The following CLYBL variants were observed in gnomAD, a reference collection of about 807,000 sequenced individuals.
CLYBL encodes citramalyl-CoA lyase, mitochondrial.
In CLYBL, 31 loss-of-function variants were observed where a neutral mutation model predicts 38.9. That is an observed-to-expected ratio of 0.80 (90% CI 0.60 to 1.08). The LOEUF (loss-of-function observed/expected upper bound fraction) is 1.08, where lower values mean the gene tolerates loss of function less well. CLYBL is among the 50% of genes least tolerant of loss of function. The pLI, the probability that CLYBL is intolerant of heterozygous loss-of-function variation, is 0.00. For missense variants in CLYBL, 434 were observed against 411.6 expected (o/e 1.05, Z -0.47); for synonymous variants, 171 against 158.6 (o/e 1.08, Z -0.59).
chr13:99,887,772 T>A (rs757190679), intron 7 of CLYBL, among the ~76,000 whole-genome samples: 1 of 151,956 alleles, frequency 6.6e-6, no homozygotes, highest in Non-Finnish European at 1.5e-5. Context: ...GGGATCCTTG[T>A]CAAAAGTAGA....
intron 1 of CLYBL, among the ~76,000 whole-genome samples, chr13:99,679,465 G>C (rs952638684): frequency 6.6e-6 from 1 of 152,038 alleles, no homozygotes; most frequent in Non-Finnish European, 1.5e-5. Context: ...TGACCTTTTA[G>C]GGTATTCAGC....
chr13:99,632,359 G>A (rs1446978052), intron 1 of CLYBL, among the ~76,000 whole-genome samples: 2 of 152,254 alleles, frequency 1.3e-5, no homozygotes, highest in Non-Finnish European at 2.9e-5. Flanking sequence ...CAAGTTAGCT[G>A]TCTGCTAGAA....
chr13:99,728,619 A>G (rs925537185), intron 1 of CLYBL, among the ~76,000 whole-genome samples: 12 of 151,120 alleles, frequency 7.9e-5, no homozygotes, highest in Non-Finnish European at 1.8e-4. Context: ...TGTGTTACCC[A>G]GGCTGAAGTG....
chr13:99,819,295 T>C (rs908301242), intron 2 of CLYBL, among the ~76,000 whole-genome samples: 6 of 149,800 alleles, frequency 4.0e-5, no homozygotes, highest in Non-Finnish European at 8.9e-5. Flanking sequence ...CAGTTAACTA[T>C]GATTATGCCA....
At chr13:99,882,347 G>A (rs1009865565) in intron 7 of CLYBL, among the ~76,000 whole-genome samples, 3 of 152,150 alleles carry the variant, frequency 2.0e-5, no homozygotes, top group Non-Finnish European at 4.4e-5. Context: ...TACTATAGGT[G>A]AGAAAATGTC....
At chr13:99,888,268 T>TGTTTTAC (rs2052401201) in intron 7 of CLYBL, among the ~76,000 whole-genome samples, 1 of 113,842 alleles carries the variant, frequency 8.8e-6, no homozygotes, top group African/African-American at 3.6e-5. Context: ...GTGAATTTTA[T>TGTTTTAC]GTTTTATGTT....
At chr13:99,881,844 G>A (rs2052219333) in intron 7 of CLYBL, among the ~76,000 whole-genome samples, 1 of 152,094 alleles carries the variant, frequency 6.6e-6, no homozygotes, top group African/African-American at 2.4e-5. Context: ...GTGTTTTTAA[G>A]ACTTAAAATG....
At chr13:99,616,462 A>G (rs2046712569) in intron 1 of CLYBL, among the ~76,000 whole-genome samples, 1 of 152,084 alleles carries the variant, frequency 6.6e-6, no homozygotes, top group Non-Finnish European at 1.5e-5. Context: ...CCAGGTTTTC[A>G]TTTAGTCTGT....
Position 99,827,703 on chromosome 13 carries a change from G to A in CLYBL, c.250-31158G>A, listed in dbSNP as rs181604549. ...GCTTGGCTTCTGCATGCCGTGCAAA[G>A]CTTGCCAGCAGCCAAGCTCTTGAAA... On this transcript the variant is annotated intron_variant, in intron 2 of 8. Coordinates refer to ENST00000339105, the MANE Select transcript of CLYBL (RefSeq NM_206808.5). 1.6e-4 allele frequency among the ~76,000 whole-genome samples: 24 copies of A among 152,346 alleles called. No individual in the cohort carries two copies. In the East Asian group the frequency reaches 1.9e-3, roughly 12 times the overall value.
chr13:99,846,061 G>A (rs2139144347), intron 2 of CLYBL, among the ~76,000 whole-genome samples: 1 of 151,862 alleles, frequency 6.6e-6, no homozygotes, highest in African/African-American at 2.4e-5. Flanking sequence ...AAAATAAATG[G>A]GGGAGCATGA....
At chr13:99,906,485 G>A (rs937039848) in intron 9 of CLYBL, among the ~76,000 whole-genome samples, 30 of 151,076 alleles carry the variant, frequency 2.0e-4, no homozygotes, top group Admixed American at 1.2e-3. Context: ...ACCCAGTGGC[G>A]CGATCTCGGC....
In CLYBL at chr13:99,652,525, T is replaced by G. The variant is rs932627513; in HGVS notation, c.62+45768T>G. ...GAGTTTGAGACCAGCCTGGGCAATA[T>G]AGTGAGACCCTATCTCAATTAAAAA... On this transcript the variant is annotated intron_variant, in intron 1 of 8. Coordinates refer to ENST00000339105, the MANE Select transcript of CLYBL (RefSeq NM_206808.5). Among the ~76,000 whole-genome samples, 73 of 152,016 alleles carry G rather than the reference T, an allele frequency of 4.8e-4. 1 individual carries two copies. The highest frequency in any genetic ancestry group is 1.7e-3 in the African/African-American group (71 of 41,360).
chr13:99,899,941 T>G (rs1436105407), downstream of CLYBL, among the ~76,000 whole-genome samples: 1 of 152,130 alleles, frequency 6.6e-6, no homozygotes, highest in African/African-American at 2.4e-5. Context: ...TATTTATTTT[T>G]TTTGAGACAG....
chr13:99,791,778 C>G (rs1025934437), intron 2 of CLYBL, among the ~76,000 whole-genome samples: 17 of 152,190 alleles, frequency 1.1e-4, no homozygotes, highest in African/African-American at 4.1e-4. Flanking sequence ...AAACAAGTGT[C>G]TGAGAGCATC....
At chr13:99,783,067 A>G (rs2049694761) in intron 2 of CLYBL, among the ~76,000 whole-genome samples, 2 of 151,108 alleles carry the variant, frequency 1.3e-5, no homozygotes, top group Admixed American at 6.6e-5. Flanking sequence ...TTTTGAGACG[A>G]AGTCTTGCTC....
chr13:99,676,268 C>T (rs1347068144), intron 1 of CLYBL, among the ~76,000 whole-genome samples: 1 of 145,880 alleles, frequency 6.9e-6, no homozygotes, highest in Non-Finnish European at 1.5e-5. Flanking sequence ...TTTTCTATTT[C>T]TCTTTCTCTC....
chr13:99,718,688 T>TTGA (rs1159672425), intron 1 of CLYBL, among the ~76,000 whole-genome samples: 2 of 152,254 alleles, frequency 1.3e-5, no homozygotes, highest in African/African-American at 4.8e-5. Flanking sequence ...TTTTATTGTT[T>TTGA]ATTTCAGATG....
chr13:99,855,188 G>A (rs2051431018), intron 2 of CLYBL, among the ~76,000 whole-genome samples: 1 of 152,152 alleles, frequency 6.6e-6, no homozygotes, highest in South Asian at 2.1e-4. Flanking sequence ...ATTCCACAGT[G>A]AGAATGGCTC....
chr13:99,746,355 AT>A (rs34410635), intron 1 of CLYBL, among the ~76,000 whole-genome samples: 14,896 of 144,374 alleles, frequency 0.1, 1,513 homozygotes, highest in African/African-American at 0.28. Flanking sequence ...TTTAAATACT[AT>A]TTTTTTTTTT....
Sources: allele counts gnomAD v4.1 joint callset (sites outside exome capture counted in the v4.1 genomes callset), GRCh38; gene constraint gnomAD v4.1.1; transcripts MANE v1.5; gene names NCBI Gene and HGNC (gene_info 2026-07-23, HGNC 2026-07-21).